Variants in TEX2 observed in about 807,000 individuals in gnomAD.
TEX2 encodes testis expressed 2.
TEX2 carries 53 observed loss-of-function variants against 106.9 expected under a neutral mutation model. The ratio of observed to expected loss-of-function variants is 0.50; its 90% CI spans 0.40 to 0.62. The LOEUF is 0.62. Ranked by LOEUF, TEX2 falls within the 20% of genes least tolerant of loss-of-function variation. The pLI is 0.00. For synonymous variants in TEX2, 523 were observed against 534.8 expected, an observed-to-expected ratio of 0.98 and a Z score of 0.30; for missense variants, 1,207 against 1,379.0, an observed-to-expected ratio of 0.88 and a Z score of 1.98.
chr17:64,148,946 T>C lies in TEX2; in HGVS notation c.*23A>G, dbSNP rs1420524076. On this transcript the variant is annotated 3_prime_UTR_variant, in exon 12 of 12. Coordinates refer to ENST00000584379, the MANE Select transcript of TEX2 (RefSeq NM_001288732.2). ...ACACATCCAGCTCGATGTCACAATA[T>C]GGGGAACATCTGACATCACCCATCA... 6.2e-7 allele frequency: 1 copy of C among 1,613,632 alleles called. No individual in the cohort carries two copies. Among genetic ancestry groups the C allele is most frequent in the African/African-American group, 1.3e-5 (1 of 74,912 alleles).
intron 2 of TEX2, 102 bp downstream of exon 2, chr17:64,212,472 T>TG: frequency 9.1e-7 from 1 of 1,103,328 alleles, no homozygotes; most frequent in Non-Finnish European, 1.3e-6. Context: ...AAACACGGCC[T>TG]GTGCAAAAAT....
intron 5 of TEX2, among the ~76,000 whole-genome samples, chr17:64,179,381 A>C (rs1464826299): frequency 6.6e-6 from 1 of 152,216 alleles, no homozygotes; most frequent in Non-Finnish European, 1.5e-5. Flanking sequence ...AGAACATGGG[A>C]AGGGACAATA....
chr17:64,199,905 G>A (rs1327345424), intron 2 of TEX2, among the ~76,000 whole-genome samples: 1 of 152,180 alleles, frequency 6.6e-6, no homozygotes, highest in Non-Finnish European at 1.5e-5. Context: ...TTCTCTTCTT[G>A]TGCATGCTTT....
intron 5 of TEX2, among the ~76,000 whole-genome samples, chr17:64,179,557 C>T (rs932052754): frequency 1.3e-5 from 2 of 152,104 alleles, no homozygotes; most frequent in African/African-American, 4.8e-5. Context: ...CATGAAGGTC[C>T]GAGACTTCAT....
Position 64,212,601 on chromosome 17 carries a change from C to T in TEX2, c.1617G>A (p.Leu539=). The T allele has an allele frequency of 6.2e-7, 1 of 1,613,968 alleles. No individual in the cohort carries two copies. The change falls in exon 2 of 12, where the codon CTG becomes CTA. Residue 539 remains leucine, a synonymous_variant. Coordinates refer to ENST00000584379, the MANE Select transcript of TEX2 (RefSeq NM_001288732.2). ...KNLRHWNTRS[L]DIKEPEILKG... ...TCAGTATTTCAGGTTCTTTGATATC[C>T]AGAGATCTTGTGTTCCAGTGTCGCA...
At chr17:64,247,048 T>A (rs2034001637) in intron 1 of TEX2, among the ~76,000 whole-genome samples, 1 of 151,642 alleles carries the variant, frequency 6.6e-6, no homozygotes, top group Admixed American at 6.6e-5. Context: ...GAGGCTGAGG[T>A]GGGCAGATCA....
At chr17:64,258,754 G>A (rs1443560604) in intron 1 of TEX2, among the ~76,000 whole-genome samples, 1 of 125,622 alleles carries the variant, frequency 8.0e-6, no homozygotes, top group Non-Finnish European at 1.7e-5. Context: ...CTTCATTTTG[G>A]AAGAGAGACT....
In TEX2 at chr17:64,159,996, C is replaced by T. The variant is rs1012890839; in HGVS notation, c.2804+805G>A. ...GAGCCAGTATCTTATATTTAGACCC[C>T]ATGGAGGTAGCTCCTTGTGACATTT... On this transcript the variant is annotated intron_variant, in intron 8 of 11. Coordinates refer to ENST00000584379, the MANE Select transcript of TEX2 (RefSeq NM_001288732.2). 3.3e-5 allele frequency among the ~76,000 whole-genome samples: 5 copies of T among 152,202 alleles called. No homozygotes were observed. The South Asian group carries it at 1.0e-3, about 32-fold the overall frequency.
chr17:64,167,355 T>G (rs1229739703), intron 7 of TEX2, among the ~76,000 whole-genome samples: 1 of 152,240 alleles, frequency 6.6e-6, no homozygotes, highest in Non-Finnish European at 1.5e-5. Context: ...CTGGACACTA[T>G]GGCCGCCTCC....
At chr17:64,186,571 C>T (rs1035112087) in intron 5 of TEX2, among the ~76,000 whole-genome samples, 1 of 152,158 alleles carries the variant, frequency 6.6e-6, no homozygotes, top group East Asian at 1.9e-4. Context: ...AATCTCAGCA[C>T]TTTGGGAGGC....
intron 1 of TEX2, among the ~76,000 whole-genome samples, chr17:64,250,100 G>T (rs2034062272): frequency 6.6e-6 from 1 of 152,156 alleles, no homozygotes; most frequent in Admixed American, 6.5e-5. Context: ...CTCCTGCCAG[G>T]CTTCCTACAG....
chr17:64,244,659 C>T (rs1555636113), intron 1 of TEX2, among the ~76,000 whole-genome samples: 1 of 152,170 alleles, frequency 6.6e-6, no homozygotes, highest in Non-Finnish European at 1.5e-5. Flanking sequence ...TTCCCACTGT[C>T]CCCTGCCCCC....
chr17:64,219,367 G>A (rs962300959), intron 1 of TEX2, among the ~76,000 whole-genome samples: 8 of 151,990 alleles, frequency 5.3e-5, no homozygotes, highest in African/African-American at 1.5e-4. Context: ...TCAGCTGGAC[G>A]TGGTGGCGCA....
chr17:64,165,852 T>C (rs916769732), intron 7 of TEX2, among the ~76,000 whole-genome samples: 1 of 152,206 alleles, frequency 6.6e-6, no homozygotes, highest in East Asian at 1.9e-4. Context: ...CTGTGGGACA[T>C]GGTAATATTT....
intron 5 of TEX2, among the ~76,000 whole-genome samples, chr17:64,178,877 C>G (rs1275475839): frequency 1.3e-5 from 2 of 152,218 alleles, no homozygotes; most frequent in Non-Finnish European, 2.9e-5. Flanking sequence ...CACATTGAAG[C>G]TGTGTGCCTG....
chr17:64,173,861 T>G (rs1416784823), intron 6 of TEX2, among the ~76,000 whole-genome samples: 2 of 152,172 alleles, frequency 1.3e-5, no homozygotes, highest in Non-Finnish European at 2.9e-5. Flanking sequence ...TCTTTTTTTT[T>G]TTGAAACAGG....
At chr17:64,221,040 T>C (rs2033345807) in intron 1 of TEX2, among the ~76,000 whole-genome samples, 1 of 152,324 alleles carries the variant, frequency 6.6e-6, no homozygotes, top group East Asian at 1.9e-4. Flanking sequence ...AATGAGATCA[T>C]GTCCTTTCCA....
chr17:64,224,871 C>T (rs1205088829), intron 1 of TEX2, among the ~76,000 whole-genome samples: 1 of 140,902 alleles, frequency 7.1e-6, no homozygotes, highest in Non-Finnish European at 1.7e-5. Flanking sequence ...CACAGTAACT[C>T]ATTGAAAACC....
At chr17:64,243,425 T>C (rs1463770665) in intron 1 of TEX2, among the ~76,000 whole-genome samples, 1 of 152,196 alleles carries the variant, frequency 6.6e-6, no homozygotes, top group Non-Finnish European at 1.5e-5. Context: ...AAATGTCTTC[T>C]TCAAAAAGAC....
Sources: gnomAD v4.1 joint callset for allele counts (sites outside exome capture counted in the v4.1 genomes callset) on GRCh38, gnomAD v4.1.1 for gene constraint, MANE v1.5 for transcripts, NCBI Gene and HGNC (gene_info 2026-07-23, HGNC 2026-07-21) for gene names.